The following GSK3B variants were observed in gnomAD, a reference collection of about 807,000 sequenced individuals.
GSK3B encodes glycogen synthase kinase-3 beta.
Under a neutral mutation model 56.4 loss-of-function variants are expected in GSK3B, and 15 were observed. The ratio of observed to expected loss-of-function variants is 0.27; its 90% confidence interval spans 0.18 to 0.41. The LOEUF (loss-of-function observed/expected upper bound fraction) is 0.41, where lower values mean the gene tolerates loss of function less well. GSK3B is among the 10% of genes least tolerant of loss of function. The probability of loss-of-function intolerance (pLI) is 1.00; values close to 1 mark genes in which losing one functional copy is unlikely to be tolerated. For missense variants in GSK3B, 300 were observed against 513.4 expected, an observed-to-expected ratio of 0.58 and a Z score of 4.02; for synonymous variants, 181 against 188.9, an observed-to-expected ratio of 0.96 and a Z score of 0.34.
intron 1 of GSK3B, among the ~76,000 whole-genome samples, chr3:120,011,962 A>C (rs951581842): frequency 4.6e-5 from 7 of 152,118 alleles, no homozygotes; most frequent in Non-Finnish European, 7.4e-5. Flanking sequence ...CTAACTTCAT[A>C]TTCTTTTCTC....
At chr3:120,087,613 G>C (rs972559153) in intron 1 of GSK3B, among the ~76,000 whole-genome samples, 1 of 152,052 alleles carries the variant, frequency 6.6e-6, no homozygotes, top group Non-Finnish European at 1.5e-5. Context: ...ATGTTATTAA[G>C]GGAACACGTT....
At chr3:119,991,577 TGAA>T (rs1487634060) in intron 2 of GSK3B, among the ~76,000 whole-genome samples, 1 of 150,914 alleles carries the variant, frequency 6.6e-6, no homozygotes, top group East Asian at 1.9e-4. Context: ...TTTATTTAAT[TGAA>T]CAAGGAGAAG....
chr3:120,025,696 T>TA (rs1335103003), intron 1 of GSK3B, among the ~76,000 whole-genome samples: 5 of 151,982 alleles, frequency 3.3e-5, no homozygotes, highest in African/African-American at 4.8e-5. Flanking sequence ...AACTCAAGGA[T>TA]AAAAAAGAGT....
intron 9 of GSK3B, among the ~76,000 whole-genome samples, chr3:119,863,159 C>G (rs2056130596): frequency 6.6e-6 from 1 of 152,204 alleles, no homozygotes; most frequent in Non-Finnish European, 1.5e-5. Flanking sequence ...ACTGAACTCT[C>G]TGTAACTTCT....
At chr3:119,958,255 A>G (rs113438561) in intron 2 of GSK3B, among the ~76,000 whole-genome samples, 3,939 of 152,214 alleles carry the variant, frequency 0.026, 174 homozygotes, top group African/African-American at 0.089. Flanking sequence ...GGAACTGTGA[A>G]CCAATTAAAC....
intron 2 of GSK3B, among the ~76,000 whole-genome samples, chr3:119,967,821 T>C (rs1211261310): frequency 9.9e-6 from 1 of 100,712 alleles, no homozygotes; most frequent in African/African-American, 4.3e-5. Flanking sequence ...TCCCTCCCTT[T>C]CTCTCTTTCT....
intron 1 of GSK3B, among the ~76,000 whole-genome samples, chr3:120,038,519 C>T (rs868247946): frequency 2.6e-5 from 4 of 152,036 alleles, no homozygotes; most frequent in Non-Finnish European, 4.4e-5. Context: ...GAGTGAGACT[C>T]TGTCTCAAAA....
chr3:119,858,886 G>A (rs1261539534), intron 9 of GSK3B, among the ~76,000 whole-genome samples: 3 of 152,128 alleles, frequency 2.0e-5, no homozygotes, highest in African/African-American at 7.2e-5. Context: ...AGAAGAGGGA[G>A]AGAGATGGGG....
At chr3:120,056,836 T>C (rs2058195339) in intron 1 of GSK3B, among the ~76,000 whole-genome samples, 1 of 152,154 alleles carries the variant, frequency 6.6e-6, no homozygotes, top group East Asian at 1.9e-4. Flanking sequence ...GGGGCCAATA[T>C]ACAGGTAGAA....
At position 119,869,223 on chromosome 3, in the gene GSK3B, CAAAAA is replaced by C. The variant is rs67194724; in HGVS notation, c.910-5623_910-5619del. On this transcript the variant is annotated intron_variant, in intron 8 of 10. Coordinates refer to ENST00000264235, the MANE Select transcript of GSK3B (RefSeq NM_001146156.2). ...TGGGCAACAGATCAAGATTCCATCT[CAAAAA>C]AAAAAAAAAAAAAAAAAACATATAT... 5.5e-5 allele frequency among the ~76,000 whole-genome samples: 3 copies of C among 54,844 alleles called. No individual in the cohort carries two copies. In the South Asian group the frequency reaches 3.3e-3, roughly 61 times the overall value. The allele number at this position is 54,844 out of a possible 152,430, so 36.0% of individuals were successfully genotyped here.
intron 3 of GSK3B, among the ~76,000 whole-genome samples, chr3:119,946,990 T>C (rs1012578720): frequency 6.6e-6 from 1 of 151,076 alleles, no homozygotes; most frequent in Non-Finnish European, 1.5e-5. Flanking sequence ...ATAGATGTCT[T>C]TAAAAAAAAA....
intron 10 of GSK3B, among the ~76,000 whole-genome samples, chr3:119,829,948 T>A (rs759658738): frequency 4.6e-5 from 7 of 152,208 alleles, no homozygotes; most frequent in African/African-American, 7.2e-5. Flanking sequence ...CAGACATTCA[T>A]CAAAAAAACT....
chr3:120,020,859 T>G (rs2057870551), intron 1 of GSK3B, among the ~76,000 whole-genome samples: 1 of 152,200 alleles, frequency 6.6e-6, no homozygotes, highest in African/African-American at 2.4e-5. Context: ...AAATTAAAAG[T>G]GCTACTCCAG....
At chr3:119,852,149 TC>T (rs1239748356) in intron 9 of GSK3B, among the ~76,000 whole-genome samples, 1 of 152,216 alleles carries the variant, frequency 6.6e-6, no homozygotes, top group Non-Finnish European at 1.5e-5. Context: ...TGGTGATGTT[TC>T]ATGTGAGGAC....
At chr3:119,929,794 C>A (rs534040132) in intron 3 of GSK3B, among the ~76,000 whole-genome samples, 1 of 151,676 alleles carries the variant, frequency 6.6e-6, no homozygotes, top group African/African-American at 2.4e-5. Flanking sequence ...CCCAGCTACT[C>A]TGGACGCTGA....
rs560345449 is a variant in GSK3B at position 119,853,229 on chromosome 3, G to A, written c.1097-9876C>T. On this transcript the variant is annotated intron_variant, in intron 9 of 10. Coordinates refer to ENST00000264235, the MANE Select transcript of GSK3B (RefSeq NM_001146156.2). ...TGTCAGGTTTGTCAAAGATCAGATG[G>A]TTGTAGATTGTGATATTATTTCTGA... Among the ~76,000 whole-genome samples, 3 of 152,258 alleles carry A rather than the reference G, an allele frequency of 2.0e-5. No homozygotes were observed. The South Asian group carries it at 6.2e-4, about 32-fold the overall frequency.
chr3:119,840,311 G>A (rs974115837), intron 10 of GSK3B, among the ~76,000 whole-genome samples: 3 of 150,232 alleles, frequency 2.0e-5, no homozygotes, highest in South Asian at 2.1e-4. Flanking sequence ...TGCAACCTCC[G>A]CCTCCCAGGT....
At chr3:120,000,665 ACT>A (rs1346443949) in intron 2 of GSK3B, among the ~76,000 whole-genome samples, 1 of 151,760 alleles carries the variant, frequency 6.6e-6, no homozygotes, top group Non-Finnish European at 1.5e-5. Context: ...GTGTCTTCTG[ACT>A]CTCTCTGCTA....
At chr3:120,012,047 G>A (rs760179741) in intron 1 of GSK3B, among the ~76,000 whole-genome samples, 2 of 152,196 alleles carry the variant, frequency 1.3e-5, no homozygotes, top group East Asian at 3.8e-4. Flanking sequence ...GTAATAGGAA[G>A]TAAGAGAATA....
Sources: gnomAD v4.1 joint callset for allele counts (sites outside exome capture counted in the v4.1 genomes callset) on GRCh38, gnomAD v4.1.1 for gene constraint, MANE v1.5 for transcripts, NCBI Gene and HGNC (gene_info 2026-07-23, HGNC 2026-07-21) for gene names.